The following CHCHD6 variants were observed in gnomAD, a reference collection of about 807,000 sequenced individuals.
The protein encoded by CHCHD6 is coiled-coil-helix-coiled-coil-helix domain containing 6, also known as MICOS complex subunit MIC25.
A neutral mutation model predicts 32.3 loss-of-function variants in CHCHD6; 28 were observed. The ratio of observed to expected loss-of-function variants is 0.87; its 90% confidence interval spans 0.64 to 1.19. The LOEUF (loss-of-function observed/expected upper bound fraction) is 1.19, where lower values mean the gene tolerates loss of function less well. Among genes scored for constraint, CHCHD6 ranks in the 50% most tolerant of loss-of-function variants. The probability of loss-of-function intolerance (pLI) is 0.00; values close to 1 mark genes in which losing one functional copy is unlikely to be tolerated. For synonymous variants in CHCHD6, 122 were observed against 117.5 expected (o/e 1.04, Z -0.25); for missense variants, 333 against 307.0 (o/e 1.08, Z -0.63).
chr3:126,804,429 A>G (rs1226446385), intron 4 of CHCHD6, among the ~76,000 whole-genome samples: 1 of 152,232 alleles, frequency 6.6e-6, no homozygotes, highest in African/African-American at 2.4e-5. Flanking sequence ...AGAATACTAC[A>G]AACACCTCTA....
chr3:126,749,069 T>C (rs1033566272), intron 4 of CHCHD6, among the ~76,000 whole-genome samples: 1 of 152,158 alleles, frequency 6.6e-6, no homozygotes, highest in African/African-American at 2.4e-5. Flanking sequence ...GGGGGAGCTC[T>C]GCAGTTTGTG....
chr3:126,958,813 G>A (rs942804320), intron 7 of CHCHD6, among the ~76,000 whole-genome samples: 4 of 152,194 alleles, frequency 2.6e-5, no homozygotes, highest in East Asian at 1.9e-4. Context: ...GGCAGGAGGC[G>A]CTGGGGCACT....
intron 4 of CHCHD6, among the ~76,000 whole-genome samples, chr3:126,808,994 C>CA (rs1939538783): frequency 6.6e-6 from 1 of 150,958 alleles, no homozygotes; most frequent in Non-Finnish European, 1.5e-5. Flanking sequence ...TTTTTTGAGA[C>CA]AGAGTCTTGC....
chr3:126,930,160 A>C (rs78301345), intron 6 of CHCHD6, among the ~76,000 whole-genome samples: 2 of 152,274 alleles, frequency 1.3e-5, no homozygotes, highest in Non-Finnish European at 2.9e-5. Flanking sequence ...AAGAGGAGGG[A>C]ATGTGGTTTG....
At chr3:126,902,205 A>G (rs1222787011) in intron 5 of CHCHD6, among the ~76,000 whole-genome samples, 1 of 152,170 alleles carries the variant, frequency 6.6e-6, no homozygotes, top group Non-Finnish European at 1.5e-5. Flanking sequence ...TAGACCAGTA[A>G]TCAGGGTCTC....
intron 5 of CHCHD6, among the ~76,000 whole-genome samples, chr3:126,877,670 A>G (rs1434883641): frequency 6.6e-6 from 1 of 152,230 alleles, no homozygotes; most frequent in Non-Finnish European, 1.5e-5. Context: ...AAGTTAGGTT[A>G]GGTAGACCAG....
At chr3:126,921,733 G>A (rs539923489) in intron 6 of CHCHD6, among the ~76,000 whole-genome samples, 10 of 152,190 alleles carry the variant, frequency 6.6e-5, no homozygotes, top group Admixed American at 2.0e-4. Flanking sequence ...CTTGGGACTC[G>A]CTAGAGCAGA....
chr3:126,755,025 A>C (rs1002574272), intron 4 of CHCHD6, among the ~76,000 whole-genome samples: 2 of 152,080 alleles, frequency 1.3e-5, no homozygotes, highest in Non-Finnish European at 2.9e-5. Flanking sequence ...GAGAGAATCC[A>C]AGCTCCTCGA....
At chr3:126,768,642 C>T (rs985309274) in intron 4 of CHCHD6, among the ~76,000 whole-genome samples, 7 of 152,220 alleles carry the variant, frequency 4.6e-5, no homozygotes, top group Middle Eastern at 3.4e-3. Flanking sequence ...TGGGGAATCT[C>T]GCCACATTTT....
At chr3:126,855,283 T>G (rs1355709767) in intron 5 of CHCHD6, among the ~76,000 whole-genome samples, 1 of 152,218 alleles carries the variant, frequency 6.6e-6, no homozygotes, top group Non-Finnish European at 1.5e-5. Flanking sequence ...CCCATGAGCC[T>G]TGGCTCCCAC....
chr3:126,920,186 A>T (rs74843716), intron 6 of CHCHD6, among the ~76,000 whole-genome samples: 1,509 of 144,508 alleles, frequency 0.01, 14 homozygotes, highest in South Asian at 0.028. Flanking sequence ...AAATGTTTTT[A>T]ATTCTAAAAG....
At chr3:126,863,950 A>ACCT (rs1217742217) in intron 5 of CHCHD6, among the ~76,000 whole-genome samples, 2 of 86,910 alleles carry the variant, frequency 2.3e-5, no homozygotes, top group East Asian at 7.6e-4. Flanking sequence ...CACCATCACC[A>ACCT]CCTCCTCCTC....
intron 4 of CHCHD6, among the ~76,000 whole-genome samples, chr3:126,764,030 C>T (rs2107673543): frequency 6.6e-6 from 1 of 151,816 alleles, no homozygotes; most frequent in Admixed American, 6.6e-5. Context: ...TATAGCTCTG[C>T]TCCCCTATTT....
intron 1 of CHCHD6, among the ~76,000 whole-genome samples, chr3:126,715,279 C>T (rs1174614449): frequency 6.6e-6 from 1 of 152,150 alleles, no homozygotes; most frequent in Non-Finnish European, 1.5e-5. Flanking sequence ...CTAGCACTTC[C>T]CACGTTCCAC....
At chr3:126,855,362 T>C (rs1053712025) in intron 5 of CHCHD6, among the ~76,000 whole-genome samples, 3 of 152,162 alleles carry the variant, frequency 2.0e-5, no homozygotes, top group African/African-American at 7.2e-5. Flanking sequence ...ATGCTAATGC[T>C]TTCTGCTGGG....
chr3:126,960,166 T>C lies in CHCHD6; in HGVS notation c.703-30T>C, dbSNP rs918798409. 18 of 1,551,330 alleles carry C rather than the reference T, an allele frequency of 1.2e-5. No individual in the cohort carries two copies. In the African/African-American group the frequency reaches 1.5e-4, roughly 13 times the overall value. ...TGGAGGGCATGGGCGGAGTGGGCCC[T>C]GACTCAACTCTGACCTGTTCTCTTT... On this transcript the variant is annotated intron_variant, in intron 7 of 7. Transcript: ENST00000290913.
intron 5 of CHCHD6, among the ~76,000 whole-genome samples, chr3:126,861,525 T>C (rs1941866971): frequency 6.6e-6 from 1 of 151,134 alleles, no homozygotes; most frequent in Non-Finnish European, 1.5e-5. Context: ...CCGCCACCAC[T>C]ACCAACACCA....
At chr3:126,880,075 G>A (rs753443980) in intron 5 of CHCHD6, among the ~76,000 whole-genome samples, 3 of 152,192 alleles carry the variant, frequency 2.0e-5, no homozygotes, top group African/African-American at 2.4e-5. Context: ...AGGAAAAGTA[G>A]CCATCAGCTC....
At chr3:126,942,913 T>G (rs546230636) in intron 6 of CHCHD6, among the ~76,000 whole-genome samples, 27 of 152,262 alleles carry the variant, frequency 1.8e-4, no homozygotes, top group Non-Finnish European at 3.7e-4. Flanking sequence ...CATCTGTGTG[T>G]GGGGGGGAGT....
Sources: allele counts gnomAD v4.1 joint callset (sites outside exome capture counted in the v4.1 genomes callset), GRCh38; gene constraint gnomAD v4.1.1; transcripts MANE v1.5; gene names NCBI Gene and HGNC (gene_info 2026-07-23, HGNC 2026-07-21).